NCAM2: variants seen among roughly 807,000 people sequenced by gnomAD.
NCAM2 encodes the protein neural cell adhesion molecule 2.
In NCAM2, 30 loss-of-function variants were observed where a neutral mutation model predicts 98.1. The ratio of observed to expected loss-of-function variants is 0.31; its 90% CI spans 0.23 to 0.41. The LOEUF (loss-of-function observed/expected upper bound fraction) is 0.41, where lower values mean the gene tolerates loss of function less well. Ranked by LOEUF, NCAM2 falls within the 10% of genes least tolerant of loss-of-function variation. The pLI is 1.00. For synonymous variants in NCAM2, 368 were observed against 342.4 expected, an observed-to-expected ratio of 1.07 and a Z score of -0.83; for missense variants, 867 against 1,005.8, an observed-to-expected ratio of 0.86 and a Z score of 1.87.
intron 1 of NCAM2, among the ~76,000 whole-genome samples, chr21:21,250,982 G>T (rs1231217837): frequency 6.6e-6 from 1 of 152,084 alleles, no homozygotes; most frequent in East Asian, 1.9e-4. Flanking sequence ...CTCCACTAGT[G>T]CAGAACCAGA....
At chr21:21,372,051 T>G (rs896105232) in intron 8 of NCAM2, among the ~76,000 whole-genome samples, 1 of 151,746 alleles carries the variant, frequency 6.6e-6, no homozygotes, top group East Asian at 1.9e-4. Context: ...TGAACTCTAA[T>G]TGGATTCTAA....
At chr21:21,386,784 TA>T (rs3831411) in intron 9 of NCAM2, among the ~76,000 whole-genome samples, 57,434 of 151,968 alleles carry the variant, frequency 0.38, 11,168 homozygotes, top group East Asian at 0.58. Flanking sequence ...TAAGGAACTT[TA>T]GGAAATATTC....
At chr21:21,024,070 T>A (rs1250167887) in intron 1 of NCAM2, among the ~76,000 whole-genome samples, 4 of 152,200 alleles carry the variant, frequency 2.6e-5, no homozygotes, top group Non-Finnish European at 5.9e-5. Context: ...ATAATACACT[T>A]GTTCCCAAAG....
intron 9 of NCAM2, among the ~76,000 whole-genome samples, chr21:21,397,797 C>T (rs1478031925): frequency 6.6e-6 from 1 of 152,230 alleles, no homozygotes; most frequent in African/African-American, 2.4e-5. Flanking sequence ...CCTGGCCAGA[C>T]CTCCCCAACT....
chr21:21,250,929 A>G (rs1019763253), intron 1 of NCAM2, among the ~76,000 whole-genome samples: 6 of 152,204 alleles, frequency 3.9e-5, no homozygotes, highest in Non-Finnish European at 8.8e-5. Context: ...CTATGCTAAT[A>G]TTACATGATC....
At chr21:21,331,514 T>A (rs1602004485) in intron 6 of NCAM2, among the ~76,000 whole-genome samples, 3 of 4,772 alleles carry the variant, frequency 6.3e-4, no homozygotes, top group Non-Finnish European at 1.0e-3. Flanking sequence ...ATACTCTCTC[T>A]CTCTATATAT....
At chr21:21,385,548 C>A in intron 9 of NCAM2, 1 of 833,804 alleles carries the variant, frequency 1.2e-6, no homozygotes, top group Non-Finnish European at 1.7e-6. Context: ...TAGCACTAAA[C>A]TTAAGGTGTT....
chr21:21,362,672 G>T lies in NCAM2; in HGVS notation c.1045-11191G>T, dbSNP rs559773224. Reference sequence around the variant, plus strand: ...TTATCCATTTAGAAGACTGCAAATTGCAAGTCTTAAATTCAGTAAAAACTA... The same window carrying T: ...TTATCCATTTAGAAGACTGCAAATTTCAAGTCTTAAATTCAGTAAAAACTA... On this transcript the variant is annotated intron_variant, in intron 8 of 17. Transcript: ENST00000400546. Among the ~76,000 whole-genome samples, 9 of 152,252 alleles carry T rather than the reference G, an allele frequency of 5.9e-5. No homozygotes were observed. In the East Asian group the frequency reaches 1.7e-3, roughly 29 times the overall value.
intron 1 of NCAM2, among the ~76,000 whole-genome samples, chr21:21,139,279 C>A (rs751179811): frequency 3.3e-5 from 5 of 152,212 alleles, no homozygotes; most frequent in Non-Finnish European, 5.9e-5. Flanking sequence ...AACAGATTCA[C>A]CCCTAAAGCT....
rs117660139 is a variant in NCAM2 at position 21,421,207 on chromosome 21, A to G, written c.1480+2638A>G. Among the ~76,000 whole-genome samples, 1,017 of 152,104 alleles carry G rather than the reference A, an allele frequency of 6.7e-3. 9 individuals carry two copies. Among genetic ancestry groups the G allele is most frequent in the Non-Finnish European group, 0.011 (764 of 67,894 alleles). On this transcript the variant is annotated intron_variant, in intron 11 of 17. Coordinates refer to ENST00000400546, the MANE Select transcript of NCAM2 (RefSeq NM_004540.5). Reference sequence around the variant, plus strand: ...GTTTAAATAATTCCATGAACTTCACAGGTAGTATTTAATGTGCATGTACCT... The same window carrying G: ...GTTTAAATAATTCCATGAACTTCACGGGTAGTATTTAATGTGCATGTACCT...
intron 6 of NCAM2, among the ~76,000 whole-genome samples, chr21:21,329,316 T>C (rs2074608223): frequency 1.3e-5 from 2 of 152,206 alleles, no homozygotes; most frequent in Admixed American, 1.3e-4. Context: ...TATGCAGATA[T>C]TTACTATTAT....
chr21:21,480,291 T>G (rs992865984), intron 15 of NCAM2, among the ~76,000 whole-genome samples: 1 of 140,798 alleles, frequency 7.1e-6, no homozygotes, highest in Non-Finnish European at 1.5e-5. Flanking sequence ...GGCGTGAACC[T>G]GGAAGGCGGA....
At chr21:21,069,559 A>G (rs1423370374) in intron 1 of NCAM2, among the ~76,000 whole-genome samples, 1 of 152,144 alleles carries the variant, frequency 6.6e-6, no homozygotes, top group Non-Finnish European at 1.5e-5. Context: ...TGATTCCCCA[A>G]CTGTGTACCC....
At chr21:21,349,022 C>T (rs1245137017) in intron 8 of NCAM2, among the ~76,000 whole-genome samples, 2 of 152,032 alleles carry the variant, frequency 1.3e-5, no homozygotes, top group East Asian at 1.9e-4. Flanking sequence ...GGACATTGAC[C>T]TGGGCATAAT....
At chr21:21,305,141 A>T (rs1439635270) in intron 5 of NCAM2, among the ~76,000 whole-genome samples, 1 of 152,034 alleles carries the variant, frequency 6.6e-6, no homozygotes, top group Admixed American at 6.6e-5. Flanking sequence ...AACATGGTGT[A>T]ATCCCGTCTC....
chr21:21,243,882 A>T (rs2071165091), intron 1 of NCAM2, among the ~76,000 whole-genome samples: 1 of 152,198 alleles, frequency 6.6e-6, no homozygotes, highest in African/African-American at 2.4e-5. Flanking sequence ...CATAATAAAA[A>T]TATGAGGAAG....
chr21:21,305,013 A>G (rs150286575), intron 5 of NCAM2, among the ~76,000 whole-genome samples: 2 of 152,282 alleles, frequency 1.3e-5, no homozygotes, highest in African/African-American at 4.8e-5. Flanking sequence ...AGAATTCTCT[A>G]CATAAATGAT....
Position 21,286,296 on chromosome 21 carries a change from C to A in NCAM2, c.365C>A (p.Ser122Tyr). 6.2e-7 allele frequency: 1 copy of A among 1,609,876 alleles called. No homozygotes were observed. Among genetic ancestry groups the A allele is most frequent in the Non-Finnish European group, 8.5e-7 (1 of 1,177,686 alleles). Residue 122 changes from serine (S) to tyrosine (Y), a missense_variant, in exon 4 of 18, where the codon TCT (serine) becomes TAT (tyrosine). This residue lies in a region of NCAM2 where 447 missense variants were observed against 495.7 expected (regional missense o/e 0.90). Transcript: ENST00000400546. The stretch of plus-strand genomic sequence containing the variant: ...AAACTCACTTTCAGAGAAGTGGTAT[C>A]TCCACAAGAATTCAAACAAGGAGAA... Reference protein sequence around the residue: ...YQKLTFREVVSPQEFKQGEDA... With the variant: ...YQKLTFREVVYPQEFKQGEDA...
chr21:21,192,055 C>T (rs1057255581), intron 1 of NCAM2, among the ~76,000 whole-genome samples: 1 of 152,062 alleles, frequency 6.6e-6, no homozygotes, highest in African/African-American at 2.4e-5. Context: ...AACCCCGCTT[C>T]TACTAAAAAT....
Sources: allele counts gnomAD v4.1 joint callset (sites outside exome capture counted in the v4.1 genomes callset), GRCh38; gene constraint gnomAD v4.1.1; regional missense constraint gnomAD v4.1.1; transcripts MANE v1.5; gene names NCBI Gene and HGNC (gene_info 2026-07-23, HGNC 2026-07-21).